Variants in SHC3 observed in about 807,000 individuals in gnomAD.
SHC3 encodes the protein SHC adaptor protein 3.
A neutral mutation model predicts 60.4 loss-of-function variants in SHC3; 15 were observed. The ratio of observed to expected loss-of-function variants is 0.25; its 90% CI spans 0.17 to 0.38. The LOEUF is 0.38. SHC3 is among the 10% of genes least tolerant of loss of function. SHC3 has a pLI of 1.00. For missense variants in SHC3, 677 were observed against 786.1 expected (o/e 0.86, Z 1.66); for synonymous variants, 294 against 325.9 (o/e 0.90, Z 1.05).
At chr9:89,118,757 A>C (rs1415361349) in intron 1 of SHC3, among the ~76,000 whole-genome samples, 1 of 152,174 alleles carries the variant, frequency 6.6e-6, no homozygotes. Flanking sequence ...TGAGCCAAGA[A>C]TCTTATATGC....
intron 1 of SHC3, among the ~76,000 whole-genome samples, chr9:89,158,205 T>A (rs1587760819): frequency 6.6e-6 from 1 of 152,028 alleles, no homozygotes; most frequent in Non-Finnish European, 1.5e-5. Flanking sequence ...GTGGCTTCAT[T>A]TTCATTCAAT....
intron 11 of SHC3, among the ~76,000 whole-genome samples, chr9:89,030,848 C>G (rs1281872017): frequency 6.6e-6 from 1 of 152,178 alleles, no homozygotes; most frequent in Admixed American, 6.5e-5. Context: ...GTGGAATACC[C>G]CACCTTATGA....
chr9:89,020,385 T>TGG (rs1430222866), intron 11 of SHC3, among the ~76,000 whole-genome samples: 1 of 151,982 alleles, frequency 6.6e-6, no homozygotes, highest in Non-Finnish European at 1.5e-5. Flanking sequence ...ATTGTGGGTG[T>TGG]GGGGGCCTCT....
At chr9:89,125,070 C>A (rs1826145621) in intron 1 of SHC3, among the ~76,000 whole-genome samples, 1 of 152,104 alleles carries the variant, frequency 6.6e-6, no homozygotes, top group Non-Finnish European at 1.5e-5. Context: ...AGATAAACTT[C>A]TGGGATTCAA....
intron 11 of SHC3, among the ~76,000 whole-genome samples, chr9:89,035,864 T>A (rs1254962046): frequency 3.8e-5 from 2 of 53,070 alleles, no homozygotes; most frequent in African/African-American, 7.5e-5. Flanking sequence ...TGTGTGTGTG[T>A]GTGTGTGTGT....
chr9:89,031,786 C>G (rs951255734), intron 11 of SHC3, among the ~76,000 whole-genome samples: 1 of 152,108 alleles, frequency 6.6e-6, no homozygotes, highest in African/African-American at 2.4e-5. Flanking sequence ...CCTTCTATCT[C>G]CTTTGTTTAT....
intron 11 of SHC3, among the ~76,000 whole-genome samples, chr9:89,018,655 A>T (rs1231941054): frequency 6.6e-6 from 1 of 152,134 alleles, no homozygotes; most frequent in Non-Finnish European, 1.5e-5. Context: ...TTATTTAAAA[A>T]AAACTCTTGA....
chr9:89,127,241 C>G (rs879422119), intron 1 of SHC3, among the ~76,000 whole-genome samples: 1 of 152,150 alleles, frequency 6.6e-6, no homozygotes, highest in Non-Finnish European at 1.5e-5. Flanking sequence ...CCATGATGAA[C>G]AACTTCTGGC....
intron 6 of SHC3, among the ~76,000 whole-genome samples, chr9:89,055,465 C>A (rs1199461381): frequency 6.6e-6 from 1 of 152,236 alleles, no homozygotes; most frequent in Non-Finnish European, 1.5e-5. Context: ...TGGCTGAAAT[C>A]AACCATTTCA....
intron 1 of SHC3, among the ~76,000 whole-genome samples, chr9:89,157,657 C>T (rs762429206): frequency 1.3e-5 from 2 of 151,838 alleles, no homozygotes; most frequent in Non-Finnish European, 2.9e-5. Flanking sequence ...TCTCTGTTGC[C>T]CAGGATAGAG....
chr9:89,132,447 G>T (rs28803304), intron 1 of SHC3, among the ~76,000 whole-genome samples: 1 of 152,112 alleles, frequency 6.6e-6, no homozygotes. Context: ...AGCCTGCATT[G>T]CCAAGACAAT....
At chr9:89,170,234 G>A (rs1826849948) in intron 1 of SHC3, among the ~76,000 whole-genome samples, 1 of 152,232 alleles carries the variant, frequency 6.6e-6, no homozygotes, top group Non-Finnish European at 1.5e-5. Flanking sequence ...CAATGTGCCT[G>A]GCATGGGCCA....
chr9:89,052,854 C>T (rs561610409), intron 6 of SHC3, among the ~76,000 whole-genome samples: 2 of 152,136 alleles, frequency 1.3e-5, no homozygotes, highest in Non-Finnish European at 2.9e-5. Context: ...TTAGGGGTGG[C>T]GGTAGGCCAA....
chr9:89,074,869 T>C (rs896026455), intron 4 of SHC3, among the ~76,000 whole-genome samples: 8 of 151,958 alleles, frequency 5.3e-5, no homozygotes, highest in African/African-American at 1.9e-4. Flanking sequence ...TTTTTTACAT[T>C]GCAAGTAAAC....
chr9:89,110,987 C>G (rs1259672243), intron 2 of SHC3, among the ~76,000 whole-genome samples: 1 of 152,102 alleles, frequency 6.6e-6, no homozygotes, highest in Non-Finnish European at 1.5e-5. Flanking sequence ...TTCACTTGTT[C>G]CCCCACCCCA....
In SHC3 at chr9:89,045,740, T is replaced by C. The variant is rs750274568; in HGVS notation, c.1201+6A>G. 2.7e-5 allele frequency: 43 copies of C among 1,613,604 alleles called. No homozygotes were observed. Among genetic ancestry groups the C allele is most frequent in the Admixed American group, 1.0e-4 (6 of 60,000 alleles). Reference sequence around the variant, plus strand: ...TGTTTCTCACCCATCTCACCTTGCCTCTCACCTTGCCTTAAAGGTGTTTGC... The same window carrying C: ...TGTTTCTCACCCATCTCACCTTGCCCCTCACCTTGCCTTAAAGGTGTTTGC... On this transcript the variant is annotated splice_donor_region_variant and intron_variant, in intron 9 of 11. Coordinates refer to ENST00000375835, the MANE Select transcript of SHC3 (RefSeq NM_016848.6).
intron 11 of SHC3, among the ~76,000 whole-genome samples, chr9:89,022,167 C>A (rs1266672538): frequency 6.6e-6 from 1 of 152,060 alleles, no homozygotes; most frequent in Admixed American, 6.5e-5. Context: ...TGATCTTAGC[C>A]AAGACCCAGG....
At chr9:89,040,252 A>ACC (rs1564093101) in intron 10 of SHC3, among the ~76,000 whole-genome samples, 5 of 1,100 alleles carry the variant, frequency 4.5e-3, no homozygotes, top group South Asian at 0.028. Context: ...ACCACCATCA[A>ACC]AATTACCATC....
At chr9:89,081,449 A>G (rs1199931117) in intron 2 of SHC3, among the ~76,000 whole-genome samples, 6 of 152,070 alleles carry the variant, frequency 3.9e-5, no homozygotes, top group South Asian at 2.1e-4. Context: ...AGTGCTCCAT[A>G]ATACCCTCCC....
Sources: allele counts gnomAD v4.1 joint callset (sites outside exome capture counted in the v4.1 genomes callset), GRCh38; gene constraint gnomAD v4.1.1; transcripts MANE v1.5; gene names NCBI Gene and HGNC (gene_info 2026-07-23, HGNC 2026-07-21).